CPEB1: variants seen among roughly 807,000 people sequenced by gnomAD.
The protein encoded by CPEB1 is cytoplasmic polyadenylation element binding protein 1.
In CPEB1, 7 loss-of-function variants were observed where a neutral mutation model predicts 65.8. The ratio of observed to expected loss-of-function variants is 0.11; its 90% CI spans 0.06 to 0.20. The LOEUF (loss-of-function observed/expected upper bound fraction) is 0.20. CPEB1 is among the 10% of genes least tolerant of loss of function. The probability of loss-of-function intolerance (pLI) is 1.00; values close to 1 mark genes in which losing one functional copy is unlikely to be tolerated. For synonymous variants in CPEB1, 262 were observed against 260.0 expected, an observed-to-expected ratio of 1.01 and a Z score of -0.08; for missense variants, 551 against 712.2, an observed-to-expected ratio of 0.77 and a Z score of 2.58.
At chr15:82,612,625 A>G (rs1200009714) in intron 3 of CPEB1, among the ~76,000 whole-genome samples, 1 of 152,148 alleles carries the variant, frequency 6.6e-6, no homozygotes, top group Non-Finnish European at 1.5e-5. Context: ...TCATGAGGTC[A>G]GAAGTTCAAG....
intron 3 of CPEB1, among the ~76,000 whole-genome samples, chr15:82,580,309 G>C (rs1323919516): frequency 7.0e-6 from 1 of 142,918 alleles, no homozygotes; most frequent in African/African-American, 2.6e-5. Flanking sequence ...GACAGAGCAA[G>C]ACTCTGTCTT....
chr15:82,584,258 CAAAAAAAAA>C (rs71156038), intron 3 of CPEB1, among the ~76,000 whole-genome samples: 109 of 53,312 alleles, frequency 2.0e-3, no homozygotes, highest in Admixed American at 3.0e-3. Flanking sequence ...GACTCCGTCT[CAAAAAAAAA>C]AAAAAAAAAA....
chr15:82,597,572 A>C (rs2042762036), intron 3 of CPEB1, among the ~76,000 whole-genome samples: 1 of 152,224 alleles, frequency 6.6e-6, no homozygotes. Context: ...CTGTCTAGTG[A>C]ACTTTCAGCT....
rs369764958 is a variant in CPEB1 at position 82,628,514 on chromosome 15, C to G, written c.-55G>C. The G allele has an allele frequency of 1.4e-6, 1 of 699,218 alleles. No homozygotes were observed. Among genetic ancestry groups the G allele is most frequent in the Non-Finnish European group, 2.6e-6 (1 of 383,836 alleles). 43.3% of individuals were successfully genotyped at this position (699,218 alleles called of 1,614,324 possible). On this transcript the variant is annotated 5_prime_UTR_variant, in exon 2 of 13. Transcript: ENST00000684509. ...TCCGATTATTCAAGGCTGCTTTTGA[C>G]TTCTTTTACAATACAGACCCTTCTA...
At chr15:82,562,634 G>C (rs554325041) in intron 4 of CPEB1, among the ~76,000 whole-genome samples, 1 of 152,200 alleles carries the variant, frequency 6.6e-6, no homozygotes, top group East Asian at 1.9e-4. Flanking sequence ...GAGACCAGGA[G>C]TTCAAGACCA....
chr15:82,575,417 G>A (rs1411476018), intron 3 of CPEB1, among the ~76,000 whole-genome samples: 2 of 152,052 alleles, frequency 1.3e-5, no homozygotes, highest in Non-Finnish European at 2.9e-5. Context: ...TAGAAGCAAG[G>A]GTTTCTTTAT....
chr15:82,611,187 T>C (rs1288137951), intron 3 of CPEB1, among the ~76,000 whole-genome samples: 1 of 151,710 alleles, frequency 6.6e-6, no homozygotes, highest in Non-Finnish European at 1.5e-5. Context: ...ACTATCTTTA[T>C]AGATGATACA....
chr15:82,616,384 T>A (rs760920081), intron 3 of CPEB1, among the ~76,000 whole-genome samples: 2 of 152,144 alleles, frequency 1.3e-5, no homozygotes, highest in Non-Finnish European at 2.9e-5. Context: ...AGGAGAGTTA[T>A]CTCTAGGAAA....
rs80185446 is a variant in CPEB1 at position 82,636,559 on chromosome 15, G to C, written c.-97-8003C>G. Among the ~76,000 whole-genome samples the C allele has an allele frequency of 5.9e-4, 90 of 152,308 alleles. No individual in the cohort carries two copies. In the East Asian group the frequency reaches 0.017, roughly 28 times the overall value. On this transcript the variant is annotated intron_variant, in intron 1 of 12. Transcript: ENST00000684509. Reference sequence around the variant, plus strand: ...CCAGGACAGGTTTATGAGAACATTAGAGAATATTTCATACCAAAACACCTC... The same window carrying C: ...CCAGGACAGGTTTATGAGAACATTACAGAATATTTCATACCAAAACACCTC...
rs192794017 is a variant in CPEB1, at chr15:82,622,122, C to A, written c.271+5071G>T. 3.9e-5 allele frequency among the ~76,000 whole-genome samples: 6 copies of A among 152,224 alleles called. No individual in the cohort carries two copies. The East Asian group carries it at 1.2e-3, about 29-fold the overall frequency. On this transcript the variant is annotated intron_variant, in intron 3 of 12. Transcript: ENST00000684509. ...CCATTTTCTCCATTCCTCACAGATTCCAAAAGGTCTATGGCTTAAAGGACT... is the reference window on the plus strand; with the variant it reads ...CCATTTTCTCCATTCCTCACAGATTACAAAAGGTCTATGGCTTAAAGGACT...
intron 3 of CPEB1, among the ~76,000 whole-genome samples, chr15:82,624,910 T>C (rs1343727846): frequency 1.3e-5 from 2 of 152,094 alleles, no homozygotes; most frequent in Non-Finnish European, 2.9e-5. Flanking sequence ...CAACCACAGT[T>C]CACCGCAGTC....
chr15:82,638,253 T>C (rs1276760529), intron 1 of CPEB1, among the ~76,000 whole-genome samples: 1 of 152,230 alleles, frequency 6.6e-6, no homozygotes, highest in Admixed American at 6.5e-5. Flanking sequence ...TGAAACCATA[T>C]GTACTCTTCA....
intron 3 of CPEB1, among the ~76,000 whole-genome samples, chr15:82,607,546 C>T (rs1345469271): frequency 6.6e-6 from 1 of 152,030 alleles, no homozygotes; most frequent in Non-Finnish European, 1.5e-5. Flanking sequence ...AAGATCACAC[C>T]ACTGCACTCC....
intron 4 of CPEB1, among the ~76,000 whole-genome samples, chr15:82,563,184 G>A (rs1188445357): frequency 6.6e-6 from 1 of 152,074 alleles, no homozygotes; most frequent in Non-Finnish European, 1.5e-5. Context: ...AAGGAGCAAG[G>A]GCCTACTTAG....
chr15:82,579,631 G>A (rs1408322461), intron 3 of CPEB1, among the ~76,000 whole-genome samples: 1 of 151,798 alleles, frequency 6.6e-6, no homozygotes, highest in Non-Finnish European at 1.5e-5. Flanking sequence ...TCTCAAGCAC[G>A]GCCGGGCGCG....
At chr15:82,604,522 C>A (rs1031769018) in intron 3 of CPEB1, among the ~76,000 whole-genome samples, 1 of 149,616 alleles carries the variant, frequency 6.7e-6, no homozygotes, top group Non-Finnish European at 1.5e-5. Flanking sequence ...GAAACCATAT[C>A]CAAGGAACTA....
chr15:82,613,419 G>C (rs1298568223), intron 3 of CPEB1, among the ~76,000 whole-genome samples: 1 of 151,978 alleles, frequency 6.6e-6, no homozygotes, highest in Non-Finnish European at 1.5e-5. Flanking sequence ...ACAGTGTCTG[G>C]CTGTGTCACC....
intron 1 of CPEB1, among the ~76,000 whole-genome samples, chr15:82,631,588 G>A (rs549751171): frequency 2.2e-4 from 33 of 152,122 alleles, no homozygotes; most frequent in African/African-American, 7.2e-4. Context: ...CTGAACCAAC[G>A]AATACTGTCT....
At chr15:82,569,423 G>A (rs2039671861) in intron 4 of CPEB1, among the ~76,000 whole-genome samples, 1 of 152,190 alleles carries the variant, frequency 6.6e-6, no homozygotes, top group Non-Finnish European at 1.5e-5. Flanking sequence ...CTCTGGTTCT[G>A]GTCCTTATGA....
Sources: allele counts gnomAD v4.1 joint callset (sites outside exome capture counted in the v4.1 genomes callset), GRCh38; gene constraint gnomAD v4.1.1; transcripts MANE v1.5; gene names NCBI Gene and HGNC (gene_info 2026-07-23, HGNC 2026-07-21).